COL18A1: variants seen among roughly 807,000 people sequenced by gnomAD.
COL18A1 encodes collagen type XVIII alpha 1 chain.
COL18A1 carries 133 observed loss-of-function variants against 168.0 expected under a neutral mutation model. The ratio of observed to expected loss-of-function variants is 0.79; its 90% confidence interval spans 0.69 to 0.91. COL18A1 has a LOEUF of 0.91. Ranked by LOEUF, COL18A1 falls within the 40% of genes least tolerant of loss-of-function variation. The probability of loss-of-function intolerance (pLI) is 0.00; values close to 1 mark genes in which losing one functional copy is unlikely to be tolerated. For synonymous variants in COL18A1, 949 were observed against 809.0 expected (o/e 1.17, Z -2.94); for missense variants, 2,126 against 1,925.4 (o/e 1.10, Z -1.95).
intron 2 of COL18A1, among the ~76,000 whole-genome samples, chr21:45,436,393 C>T (rs1335526740): frequency 1.3e-5 from 2 of 152,208 alleles, no homozygotes; most frequent in East Asian, 1.9e-4. Flanking sequence ...AGGGACTGTG[C>T]CGCCGCCCCA....
intron 15 of COL18A1, among the ~76,000 whole-genome samples, chr21:45,483,866 ACACACACACACC>A (rs1568913027): frequency 6.7e-6 from 1 of 149,460 alleles, no homozygotes; most frequent in Non-Finnish European, 1.5e-5. Context: ...ATGTGCACAT[ACACACACACACC>A]TCTCCAGCAT....
At chr21:45,427,763 C>T (rs972694656) in intron 2 of COL18A1, among the ~76,000 whole-genome samples, 4 of 152,170 alleles carry the variant, frequency 2.6e-5, no homozygotes, top group East Asian at 1.9e-4. Context: ...GTCGCCATCA[C>T]GTGACTCCCA....
At chr21:45,484,503 C>T (rs2036038043) in intron 15 of COL18A1, among the ~76,000 whole-genome samples, 1 of 151,024 alleles carries the variant, frequency 6.6e-6, no homozygotes, top group Non-Finnish European at 1.5e-5. Flanking sequence ...CACACACATG[C>T]ACCTCTCCAG....
chr21:45,447,148 C>G (rs544312819), intron 2 of COL18A1, among the ~76,000 whole-genome samples: 197 of 151,776 alleles, frequency 1.3e-3, no homozygotes, highest in Middle Eastern at 3.4e-3. Context: ...TAAAAGACAT[C>G]CAGATTGGAA....
chr21:45,496,358 C>T, intron 29 of COL18A1, 142 bp from the exon 30 acceptor site: 1 of 742,578 alleles, frequency 1.3e-6, no homozygotes, highest in South Asian at 1.4e-5. Flanking sequence ...GCCCGAGTGA[C>T]CCACTGCATT....
chr21:45,505,114 T>C lies in COL18A1; in HGVS notation c.2869-20T>C, dbSNP rs2037113365. On this transcript the variant is annotated intron_variant, in intron 34 of 41. Transcript: ENST00000651438. ...CAGGGCACGAGGTAACCAGGAAGCG[T>C]CTCTTGTCGCCGTCCGTAGGGTCCC... 1 of 1,605,380 alleles carries C rather than the reference T, an allele frequency of 6.2e-7. No individual in the cohort carries two copies. The highest frequency in any genetic ancestry group is 1.1e-5 in the South Asian group (1 of 90,398).
rs558601184 is a variant in COL18A1 at position 45,484,358 on chromosome 21, G to A, written c.1701+1537G>A. Among the ~76,000 whole-genome samples, 27 of 112,008 alleles carry A rather than the reference G, an allele frequency of 2.4e-4. No individual in the cohort carries two copies. The South Asian group carries it at 3.0e-3, about 12-fold the overall frequency. 73.5% of individuals were successfully genotyped at this position (112,008 alleles called of 152,430 possible). A position where few individuals can be genotyped will look rare whatever the true frequency, so the allele number is the denominator to read the frequency against. On this transcript the variant is annotated intron_variant, in intron 15 of 41. Transcript: ENST00000651438. ...ACACACACATCTCCAGCATATGTGC[G>A]CACACACATACACGCACACACACAT...
chr21:45,453,884 GC>G (rs1442685193), intron 2 of COL18A1, among the ~76,000 whole-genome samples: 4 of 152,174 alleles, frequency 2.6e-5, no homozygotes, highest in African/African-American at 9.7e-5. Context: ...TGAATGTAGG[GC>G]CAGCCCAGCT....
At chr21:45,456,406 C>T (rs774274082) in intron 2 of COL18A1, 27 of 1,545,680 alleles carry the variant, frequency 1.7e-5, no homozygotes, top group African/African-American at 6.9e-5. Context: ...TGTCTCAGGT[C>T]GCAGTCACCA....
chr21:45,422,592 C>T (rs908295140), intron 2 of COL18A1: 1 of 454,480 alleles, frequency 2.2e-6, no homozygotes, highest in South Asian at 1.6e-5. Context: ...GTGCGGGTCT[C>T]AGGGCACAGT....
At chr21:45,468,837 G>A (rs1197352170) in intron 3 of COL18A1, 51 bp downstream of exon 3, 6 of 1,433,476 alleles carry the variant, frequency 4.2e-6, no homozygotes, top group Non-Finnish European at 5.6e-6. Context: ...GGGATGGGGT[G>A]GGGTGGGGGT....
At chr21:45,477,110 A>T (rs1164767009) in intron 6 of COL18A1, among the ~76,000 whole-genome samples, 1 of 152,180 alleles carries the variant, frequency 6.6e-6, no homozygotes, top group Non-Finnish European at 1.5e-5. Context: ...GGGTGATAAG[A>T]AGGCATTCTG....
intron 2 of COL18A1, among the ~76,000 whole-genome samples, chr21:45,437,970 ACACACT>A (rs1268942695): frequency 1.3e-5 from 1 of 75,372 alleles, no homozygotes. Context: ...TCCTGCACAC[ACACACT>A]CACACACTCA....
intron 2 of COL18A1, among the ~76,000 whole-genome samples, chr21:45,453,166 T>G (rs997936320): frequency 6.6e-6 from 1 of 152,018 alleles, no homozygotes; most frequent in Non-Finnish European, 1.5e-5. Context: ...TGTGAGCATG[T>G]ATGTGTGTGT....
chr21:45,408,202 A>G (rs4819098), intron 2 of COL18A1: 110,806 of 152,310 alleles, frequency 0.73, 41,074 homozygotes, highest in East Asian at 0.89. Flanking sequence ...GGGCCAGTCC[A>G]GGAGAGCCCC....
intron 14 of COL18A1, 67 bp downstream of exon 14, chr21:45,482,092 G>A (rs2035919076): frequency 1.5e-6 from 2 of 1,336,680 alleles, no homozygotes; most frequent in Admixed American, 3.6e-5. Flanking sequence ...GGGTCCGGGG[G>A]TGCCTGGTGA....
chr21:45,448,590 CA>C (rs747786166), intron 2 of COL18A1, among the ~76,000 whole-genome samples: 35 of 152,260 alleles, frequency 2.3e-4, no homozygotes, highest in Non-Finnish European at 4.1e-4. Context: ...TGAGCCGCAG[CA>C]TCTCCACACA....
intron 2 of COL18A1, chr21:45,422,374 G>A (rs533124017): frequency 4.3e-5 from 20 of 468,594 alleles, no homozygotes; most frequent in African/African-American, 1.6e-4. Context: ...TTTGGAGTGC[G>A]ATGGCGGGGC....
At position 45,503,634 on chromosome 21, in the gene COL18A1, T is replaced by G. The variant is rs911166223; in HGVS notation, c.2684-377T>G. ...GGGAACATCACACTCTGGGGACTGTTGTGGGGTGGGGGGAGGGGGGAGGGA... is the reference window on the plus strand; with the variant it reads ...GGGAACATCACACTCTGGGGACTGTGGTGGGGTGGGGGGAGGGGGGAGGGA... On this transcript the variant is annotated intron_variant, in intron 32 of 41. Transcript: ENST00000651438. 8.2e-3 allele frequency among the ~76,000 whole-genome samples: 738 copies of G among 90,350 alleles called. 4 individuals carry two copies. The highest frequency in any genetic ancestry group is 0.047 in the South Asian group (109 of 2,322). 59.3% of individuals were successfully genotyped at this position (90,350 alleles called of 152,430 possible). A position where few individuals can be genotyped will look rare whatever the true frequency, so the allele number is the denominator to read the frequency against.
Sources: allele counts gnomAD v4.1 joint callset (sites outside exome capture counted in the v4.1 genomes callset), GRCh38; gene constraint gnomAD v4.1.1; transcripts MANE v1.5; gene names NCBI Gene and HGNC (gene_info 2026-07-23, HGNC 2026-07-21).